PALMD: variants seen among roughly 807,000 people sequenced by gnomAD.
The protein encoded by PALMD is palmdelphin, also known as paralemmin-like protein.
PALMD carries 42 observed loss-of-function variants against 56.2 expected under a neutral mutation model. That is an observed-to-expected ratio of 0.75 (90% CI 0.58 to 0.97). PALMD has a LOEUF of 0.97. Among genes scored for constraint, PALMD ranks in the 50% least tolerant of loss-of-function variants. The pLI is 0.00. For synonymous variants in PALMD, 242 were observed against 222.9 expected, an observed-to-expected ratio of 1.09 and a Z score of -0.76; for missense variants, 660 against 643.8, an observed-to-expected ratio of 1.03 and a Z score of -0.27.
intron 1 of PALMD, 63 bp downstream of exon 1, chr1:99,646,425 G>A (rs546030379): frequency 3.9e-6 from 5 of 1,296,644 alleles, no homozygotes; most frequent in East Asian, 4.6e-5. Flanking sequence ...GACCGTGGCC[G>A]GCTGCCCCTG....
chr1:99,655,444 C>T (rs537424766), intron 1 of PALMD, among the ~76,000 whole-genome samples: 155 of 152,176 alleles, frequency 1.0e-3, no homozygotes, highest in African/African-American at 3.6e-3. Context: ...CCACCTAGAC[C>T]TATTCCTTGT....
intron 2 of PALMD, among the ~76,000 whole-genome samples, chr1:99,667,062 C>G (rs915547372): frequency 5.9e-5 from 9 of 152,162 alleles, no homozygotes; most frequent in Non-Finnish European, 1.2e-4. Context: ...AAACAATAAA[C>G]AGCTGCCACA....
intron 3 of PALMD, among the ~76,000 whole-genome samples, chr1:99,681,248 T>A (rs191133554): frequency 0.013 from 1,919 of 152,056 alleles, 23 homozygotes; most frequent in South Asian, 0.042. Context: ...ATATATATAT[T>A]TTTTCTATAG....
chr1:99,674,126 T>C (rs1030992584), intron 3 of PALMD, among the ~76,000 whole-genome samples: 1 of 152,174 alleles, frequency 6.6e-6, no homozygotes, highest in African/African-American at 2.4e-5. Flanking sequence ...CTTTGTTTAC[T>C]TTCTCTCCAT....
intron 3 of PALMD, chr1:99,683,226 A>C (rs2100872654): frequency 6.6e-6 from 1 of 152,320 alleles, no homozygotes; most frequent in African/African-American, 2.4e-5. Context: ...GAATTGCTCC[A>C]GATTCAGGCC....
rs373419767 is a variant in PALMD, at chr1:99,662,923, T to C, written c.126+524T>C. On this transcript the variant is annotated intron_variant, in intron 2 of 7. Transcript: ENST00000263174. Reference sequence around the variant, plus strand: ...ATGAGATCATAACCAGAAATAACTTTCCATGTTTAAAATCAGATTTTACAT... The same window carrying C: ...ATGAGATCATAACCAGAAATAACTTCCCATGTTTAAAATCAGATTTTACAT... Among the ~76,000 whole-genome samples, 9 of 152,134 alleles carry C rather than the reference T, an allele frequency of 5.9e-5. 1 individual carries two copies. Among genetic ancestry groups the C allele is most frequent in the Admixed American group, 5.9e-4 (9 of 15,258 alleles).
chr1:99,661,968 G>A (rs746230754), intron 1 of PALMD, among the ~76,000 whole-genome samples: 2 of 152,108 alleles, frequency 1.3e-5, no homozygotes, highest in African/African-American at 2.4e-5. Flanking sequence ...CTCTTCTCAC[G>A]ATGTTTCCTC....
chr1:99,672,236 A>G (rs12059532), intron 3 of PALMD, among the ~76,000 whole-genome samples: 1,632 of 152,268 alleles, frequency 0.011, 30 homozygotes, highest in African/African-American at 0.037. Context: ...CTTAGCTTTC[A>G]AACAATATTG....
At chr1:99,691,917 C>A (rs1168485947) in intron 7 of PALMD, among the ~76,000 whole-genome samples, 1 of 151,922 alleles carries the variant, frequency 6.6e-6, no homozygotes, top group Non-Finnish European at 1.5e-5. Context: ...TGGAAAACAG[C>A]GTGAAGAAGA....
intron 1 of PALMD, among the ~76,000 whole-genome samples, chr1:99,650,203 A>G (rs1468997443): frequency 1.3e-5 from 2 of 149,310 alleles, no homozygotes; most frequent in Non-Finnish European, 3.0e-5. Flanking sequence ...GACTGCCTCC[A>G]TTTGGAAAGG....
chr1:99,692,413 G>A (rs955923062), intron 7 of PALMD, among the ~76,000 whole-genome samples: 1 of 152,240 alleles, frequency 6.6e-6, no homozygotes, highest in South Asian at 2.1e-4. Context: ...AAGAGGCAGG[G>A]ATCAGACAGG....
chr1:99,651,751 T>G (rs1414983035), intron 1 of PALMD, among the ~76,000 whole-genome samples: 2 of 152,200 alleles, frequency 1.3e-5, no homozygotes, highest in African/African-American at 4.8e-5. Context: ...TTGAATGAGA[T>G]CTATACTTAA....
intron 3 of PALMD, chr1:99,668,129 C>G (rs576086826): frequency 8.7e-5 from 15 of 172,344 alleles, no homozygotes; most frequent in Non-Finnish European, 1.4e-4. Flanking sequence ...ATGCACCTGC[C>G]TCGGCCTCCC....
At position 99,686,730 on chromosome 1, in the gene PALMD, G is replaced by C; in HGVS notation, c.306G>C (p.Lys102Asn). 1 of 1,609,850 alleles carries C rather than the reference G, an allele frequency of 6.2e-7. No individual in the cohort carries two copies. The highest frequency in any genetic ancestry group is 8.5e-7 in the Non-Finnish European group (1 of 1,177,192). ...AAGCTGAACTGCAAATCTCAACGAA[G>C]GAAGAGGCCATTTTAAAGAAACTAA... ...LEKAELQIST[K>N]EEAILKKLKS... Residue 102 changes from lysine (K) to asparagine (N), a missense_variant, in exon 4 of 8, where the codon AAG becomes AAC. Lys to Asn is a moderately conservative substitution (Grantham distance 94). Coordinates refer to ENST00000263174, the MANE Select transcript of PALMD (RefSeq NM_017734.5).
intron 3 of PALMD, chr1:99,668,381 T>A (rs1653013947): frequency 6.6e-6 from 1 of 152,322 alleles, no homozygotes; most frequent in African/African-American, 2.4e-5. Context: ...TCCTGCAGAA[T>A]GGTAGTAACA....
Position 99,662,234 on chromosome 1 carries a change from G to C in PALMD, c.46-85G>C, listed in dbSNP as rs1652862587. ...AATGCCAAAAAAATATCAGTAACGG[G>C]CCATTCAGATAGTGACAACAACCCC... On this transcript the variant is annotated intron_variant, in intron 1 of 7. Transcript: ENST00000263174. The C allele has an allele frequency of 4.1e-6, 3 of 723,222 alleles. No homozygotes were observed. In the East Asian group the frequency reaches 8.2e-5, roughly 20 times the overall value. 44.8% of individuals were successfully genotyped at this position (723,222 alleles called of 1,614,324 possible). A position where few individuals can be genotyped will look rare whatever the true frequency, so the allele number is the denominator to read the frequency against.
In PALMD at chr1:99,646,642, ACT is replaced by A. The variant is rs1286579221; in HGVS notation, c.45+283_45+284del. ...GGCAGTCTGATTAACTATCTTTCAC[ACT>A]CTGTGGTGTACCTTAGAAATGCAGT... On this transcript the variant is annotated intron_variant, in intron 1 of 7. Coordinates refer to ENST00000263174, the MANE Select transcript of PALMD (RefSeq NM_017734.5). 1.1e-4 allele frequency among the ~76,000 whole-genome samples: 16 copies of A among 152,002 alleles called. 1 individual carries two copies. Among genetic ancestry groups the A allele is most frequent in the Non-Finnish European group, 2.2e-4 (15 of 68,014 alleles).
intron 1 of PALMD, among the ~76,000 whole-genome samples, chr1:99,647,258 T>G (rs989772012): frequency 6.6e-6 from 1 of 152,238 alleles, no homozygotes; most frequent in Non-Finnish European, 1.5e-5. Context: ...CTCAGCATTT[T>G]CTGCCACTGA....
chr1:99,661,563 G>C (rs1313839227), intron 1 of PALMD, among the ~76,000 whole-genome samples: 1 of 152,158 alleles, frequency 6.6e-6, no homozygotes, highest in Non-Finnish European at 1.5e-5. Context: ...GAGAAGTTAA[G>C]GATTTTGTCC....
Sources: gnomAD v4.1 joint callset for allele counts (sites outside exome capture counted in the v4.1 genomes callset) on GRCh38, gnomAD v4.1.1 for gene constraint, MANE v1.5 for transcripts, NCBI Gene and HGNC (gene_info 2026-07-23, HGNC 2026-07-21) for gene names.